NALF1: variants seen among roughly 807,000 people sequenced by gnomAD.
NALF1 encodes family with sequence similarity 155 member A.
In NALF1, 3 loss-of-function variants were observed where a neutral mutation model predicts 48.4. The ratio of observed to expected loss-of-function variants is 0.06; its 90% CI spans 0.03 to 0.16. NALF1 has a LOEUF of 0.16. NALF1 is among the 10% of genes least tolerant of loss of function. The probability of loss-of-function intolerance (pLI) is 1.00; values close to 1 mark genes in which losing one functional copy is unlikely to be tolerated. For missense variants in NALF1, 526 were observed against 571.5 expected (o/e 0.92, Z 0.81); for synonymous variants, 262 against 245.7 (o/e 1.07, Z -0.62).
intron 1 of NALF1, among the ~76,000 whole-genome samples, chr13:107,418,549 T>C (rs1337417311): frequency 1.3e-5 from 2 of 152,162 alleles, no homozygotes; most frequent in African/African-American, 2.4e-5. Context: ...TATTTCTTTT[T>C]TTCCCCCAAC....
rs144986219 is a variant in NALF1 at position 107,613,512 on chromosome 13, T to C, written c.915+252170A>G. 3.8e-3 allele frequency among the ~76,000 whole-genome samples: 582 copies of C among 152,332 alleles called. 2 individuals carry two copies. Among genetic ancestry groups the C allele is most frequent in the Middle Eastern group, 0.031 (9 of 294 alleles). On this transcript the variant is annotated intron_variant, in intron 1 of 2. Coordinates refer to ENST00000375915, the MANE Select transcript of NALF1 (RefSeq NM_001080396.3). ...CCAATTTACTATCAAAATGGAGTGATTGAAATTAAAGTATAAGTTTTATAA... is the reference window on the plus strand; with the variant it reads ...CCAATTTACTATCAAAATGGAGTGACTGAAATTAAAGTATAAGTTTTATAA...
chr13:107,310,459 G>C (rs1882023640), intron 1 of NALF1, among the ~76,000 whole-genome samples: 1 of 150,264 alleles, frequency 6.7e-6, no homozygotes, highest in Non-Finnish European at 1.5e-5. Flanking sequence ...AAAATAAGTA[G>C]TTTTATTTTC....
At chr13:107,522,072 G>C (rs1412605636) in intron 1 of NALF1, among the ~76,000 whole-genome samples, 1 of 151,992 alleles carries the variant, frequency 6.6e-6, no homozygotes. Flanking sequence ...GACAATTAGA[G>C]ATACTGTTAA....
intron 1 of NALF1, among the ~76,000 whole-genome samples, chr13:107,520,923 A>G (rs1876216491): frequency 6.6e-6 from 1 of 152,168 alleles, no homozygotes; most frequent in East Asian, 1.9e-4. Context: ...GGTCCTCTCC[A>G]AATCTCCACG....
At chr13:107,831,769 T>C (rs528207219) in intron 1 of NALF1, among the ~76,000 whole-genome samples, 2 of 152,314 alleles carry the variant, frequency 1.3e-5, no homozygotes, top group South Asian at 4.1e-4. Context: ...TGGGATTTTG[T>C]TGTTGAAAAC....
intron 1 of NALF1, among the ~76,000 whole-genome samples, chr13:107,369,940 A>G (rs1256339677): frequency 6.6e-6 from 1 of 152,206 alleles, no homozygotes; most frequent in East Asian, 1.9e-4. Flanking sequence ...AGAAATAGAA[A>G]ATATAAGAGC....
intron 1 of NALF1, among the ~76,000 whole-genome samples, chr13:107,582,678 A>C (rs1293044628): frequency 1.3e-5 from 2 of 152,198 alleles, no homozygotes; most frequent in African/African-American, 4.8e-5. Context: ...GTAATTTTGA[A>C]AATATATACA....
chr13:107,689,313 G>A (rs922738475), intron 1 of NALF1, among the ~76,000 whole-genome samples: 14 of 152,150 alleles, frequency 9.2e-5, no homozygotes, highest in Admixed American at 5.9e-4. Flanking sequence ...CCTGTACTCA[G>A]ATGCTACTGA....
intron 1 of NALF1, among the ~76,000 whole-genome samples, chr13:107,458,585 G>T (rs939125076): frequency 6.6e-6 from 1 of 152,098 alleles, no homozygotes; most frequent in Non-Finnish European, 1.5e-5. Flanking sequence ...AGAAGCAGGC[G>T]AGCACAAGGT....
chr13:107,171,327 A>G (rs1878799540), intron 2 of NALF1, among the ~76,000 whole-genome samples: 1 of 152,168 alleles, frequency 6.6e-6, no homozygotes, highest in Admixed American at 6.5e-5. Flanking sequence ...TGATCGGGTC[A>G]TTTTGATTTA....
At chr13:107,186,767 T>C (rs1879184213) in intron 2 of NALF1, among the ~76,000 whole-genome samples, 1 of 152,196 alleles carries the variant, frequency 6.6e-6, no homozygotes, top group South Asian at 2.1e-4. Context: ...GTTACAGACA[T>C]AGTAGCTTTA....
At chr13:107,464,992 T>A (rs2139046337) in intron 1 of NALF1, among the ~76,000 whole-genome samples, 1 of 151,736 alleles carries the variant, frequency 6.6e-6, no homozygotes. Context: ...TTTATTCATT[T>A]TTTTTCACTA....
At chr13:107,529,222 A>C (rs531616798) in intron 1 of NALF1, among the ~76,000 whole-genome samples, 7 of 152,292 alleles carry the variant, frequency 4.6e-5, no homozygotes, top group African/African-American at 1.7e-4. Flanking sequence ...GCTGACTCTC[A>C]GCAAGTGAAG....
In NALF1 at chr13:107,497,167, T is replaced by C. The variant is rs2762206; in HGVS notation, c.916-286412A>G. The stretch of plus-strand genomic sequence containing the variant: ...CAGCCTAATAAATTTAAACATCCAA[T>C]AAAAGGTTTAACAAGAAGTTAAAAT... On this transcript the variant is annotated intron_variant, in intron 1 of 2. Transcript: ENST00000375915. Among the ~76,000 whole-genome samples, 1,457 of 152,226 alleles carry C rather than the reference T, an allele frequency of 9.6e-3. 29 individuals carry two copies. Among genetic ancestry groups the C allele is most frequent in the African/African-American group, 0.033 (1,383 of 41,552 alleles).
intron 1 of NALF1, among the ~76,000 whole-genome samples, chr13:107,366,504 C>T (rs1223558347): frequency 1.3e-5 from 2 of 152,162 alleles, no homozygotes; most frequent in East Asian, 3.9e-4. Context: ...AGGGGCTCAG[C>T]CCAATTTTGG....
chr13:107,355,215 C>G (rs1037970941), intron 1 of NALF1, among the ~76,000 whole-genome samples: 1 of 152,086 alleles, frequency 6.6e-6, no homozygotes, highest in Non-Finnish European at 1.5e-5. Context: ...CAAACCCCAA[C>G]GTTACAATTT....
At chr13:107,593,117 A>T (rs1376431785) in intron 1 of NALF1, among the ~76,000 whole-genome samples, 2 of 151,900 alleles carry the variant, frequency 1.3e-5, no homozygotes, top group African/African-American at 4.8e-5. Flanking sequence ...CGAAGTACAT[A>T]TTGTGTTCAT....
chr13:107,309,863 T>G (rs937982564), intron 1 of NALF1, among the ~76,000 whole-genome samples: 1 of 152,226 alleles, frequency 6.6e-6, no homozygotes, highest in Non-Finnish European at 1.5e-5. Flanking sequence ...TGTTTTCTTT[T>G]AAATAATTTT....
chr13:107,235,015 ATT>A (rs1421205035), intron 1 of NALF1, among the ~76,000 whole-genome samples: 10 of 152,102 alleles, frequency 6.6e-5, no homozygotes, highest in African/African-American at 2.4e-4. Flanking sequence ...ATTCATCCCC[ATT>A]TAGCCTTCCT....
Sources: gnomAD v4.1 joint callset for allele counts (sites outside exome capture counted in the v4.1 genomes callset) on GRCh38, gnomAD v4.1.1 for gene constraint, MANE v1.5 for transcripts, NCBI Gene and HGNC (gene_info 2026-07-23, HGNC 2026-07-21) for gene names.